CDC20B: variants seen among roughly 807,000 people sequenced by gnomAD.
The protein encoded by CDC20B is cell division cycle protein 20 homolog B.
A neutral mutation model predicts 64.1 loss-of-function variants in CDC20B; 58 were observed. The observed-to-expected ratio is 0.90, with a 90% confidence interval of 0.73 to 1.13. CDC20B has a LOEUF of 1.13. Among genes scored for constraint, CDC20B ranks in the 50% most tolerant of loss-of-function variants. The pLI is 0.00. For synonymous variants in CDC20B, 243 were observed against 230.6 expected (o/e 1.05, Z -0.49); for missense variants, 597 against 633.0 (o/e 0.94, Z 0.61).
intron 1 of CDC20B, 106 bp downstream of exon 1, chr5:55,172,832 G>T (rs1412154329): frequency 8.7e-7 from 1 of 1,149,966 alleles, no homozygotes; most frequent in Non-Finnish European, 1.2e-6. Context: ...TTACGACCAG[G>T]GCTTAGAGTT....
chr5:55,133,276 G>T, intron 6 of CDC20B, 136 bp downstream of exon 6: 2 of 443,704 alleles, frequency 4.5e-6, no homozygotes, highest in Non-Finnish European at 8.1e-6. Flanking sequence ...AAGTATATTA[G>T]CCATATTTGG....
chr5:55,128,543 C>T lies in CDC20B; in HGVS notation c.772G>A (p.Gly258Arg). The T allele has an allele frequency of 6.2e-7, 1 of 1,611,036 alleles. No homozygotes were observed. The highest frequency in any genetic ancestry group is 8.5e-7 in the Non-Finnish European group (1 of 1,179,372). ...TTTTCAATCCCATTGTGGTTCTCCCCATTCCAGATGTATACAGCAGAGCCC... is the reference window on the plus strand; with the variant it reads ...TTTTCAATCCCATTGTGGTTCTCCCTATTCCAGATGTATACAGCAGAGCCC... Reference protein sequence around the residue: ...ALGSAVYIWNGENHNGIENID... With the variant: ...ALGSAVYIWNRENHNGIENID... The change falls in exon 7 of 12, where the codon GGG (glycine) becomes AGG (arginine). Residue 258 changes from glycine (G) to arginine (R), a missense_variant. Physicochemically the swap from Gly to Arg is moderately radical, Grantham distance 125. Coordinates refer to ENST00000381375, the MANE Select transcript of CDC20B (RefSeq NM_001170402.1).
intron 2 of CDC20B, chr5:55,172,220 T>C (rs1744621870): frequency 4.6e-6 from 1 of 219,482 alleles, no homozygotes; most frequent in Non-Finnish European, 9.2e-6. Context: ...CTTCTCCACA[T>C]TGTCCACAAG....
chr5:55,125,094 A>G lies in CDC20B; in HGVS notation c.990-66T>C, dbSNP rs539863480. The G allele has an allele frequency of 1.9e-5, 25 of 1,341,560 alleles. No individual in the cohort carries two copies. The East Asian group carries it at 5.6e-4, about 30-fold the overall frequency. 83.1% of individuals were successfully genotyped at this position (1,341,560 alleles called of 1,614,324 possible). ...CATAAACATTTGAAAACATGGAGGA[A>G]AGCATAGTTCAAAGTAAAACTTCTG... On this transcript the variant is annotated intron_variant, in intron 8 of 11. Coordinates refer to ENST00000381375, the MANE Select transcript of CDC20B (RefSeq NM_001170402.1).
intron 2 of CDC20B, among the ~76,000 whole-genome samples, chr5:55,153,532 C>G (rs1191008337): frequency 6.6e-6 from 1 of 152,114 alleles, no homozygotes; most frequent in Non-Finnish European, 1.5e-5. Context: ...AAGCAAGTAA[C>G]TAGTAATAAA....
At chr5:55,147,936 T>G (rs1430029947) in intron 2 of CDC20B, among the ~76,000 whole-genome samples, 1 of 152,196 alleles carries the variant, frequency 6.6e-6, no homozygotes, top group Non-Finnish European at 1.5e-5. Flanking sequence ...CTGTCCATCT[T>G]CTCTAAGAAA....
chr5:55,121,390 A>C (rs1742751995), intron 9 of CDC20B, among the ~76,000 whole-genome samples: 1 of 152,190 alleles, frequency 6.6e-6, no homozygotes, highest in Admixed American at 6.5e-5. Flanking sequence ...ATCCCATAAT[A>C]TTCCATCGTG....
intron 6 of CDC20B, among the ~76,000 whole-genome samples, chr5:55,131,173 T>C (rs963157041): frequency 1.1e-4 from 16 of 152,146 alleles, no homozygotes; most frequent in African/African-American, 3.6e-4. Context: ...AACAAACACA[T>C]GACAACTACA....
intron 5 of CDC20B, among the ~76,000 whole-genome samples, chr5:55,134,158 A>C (rs549099242): frequency 1.3e-5 from 2 of 152,314 alleles, no homozygotes; most frequent in Non-Finnish European, 1.5e-5. Flanking sequence ...TACTAAGTTC[A>C]AACCACAGGC....
At chr5:55,152,859 G>A (rs1255072462) in intron 2 of CDC20B, among the ~76,000 whole-genome samples, 1 of 152,070 alleles carries the variant, frequency 6.6e-6, no homozygotes, top group African/African-American at 2.4e-5. Flanking sequence ...TCCCCTAGAG[G>A]CAGTTAGTAC....
At chr5:55,124,047 A>G (rs1357758409) in intron 9 of CDC20B, among the ~76,000 whole-genome samples, 1 of 152,244 alleles carries the variant, frequency 6.6e-6, no homozygotes, top group Non-Finnish European at 1.5e-5. Flanking sequence ...CGTTGAGGTC[A>G]AGACACATCT....
At chr5:55,134,931 G>A (rs1049259834) in intron 5 of CDC20B, among the ~76,000 whole-genome samples, 1 of 152,102 alleles carries the variant, frequency 6.6e-6, no homozygotes, top group South Asian at 2.1e-4. Flanking sequence ...AGCATTTTTA[G>A]GGAAATGAAA....
chr5:55,116,309 G>C (rs1169087408), intron 11 of CDC20B, among the ~76,000 whole-genome samples: 1 of 152,218 alleles, frequency 6.6e-6, no homozygotes, highest in Admixed American at 6.5e-5. Flanking sequence ...AGGGTCACTT[G>C]AAGCAAGGTG....
intron 5 of CDC20B, among the ~76,000 whole-genome samples, chr5:55,134,407 T>C (rs542709175): frequency 6.6e-6 from 1 of 152,128 alleles, no homozygotes; most frequent in East Asian, 1.9e-4. Flanking sequence ...TAAAAATACT[T>C]AGGCTTGCTG....
chr5:55,117,971 T>C (rs1742663895), intron 11 of CDC20B, among the ~76,000 whole-genome samples: 1 of 151,792 alleles, frequency 6.6e-6, no homozygotes, highest in Non-Finnish European at 1.5e-5. Flanking sequence ...ACACAAAAAT[T>C]AGCCAGGCGT....
At chr5:55,160,175 C>G (rs1335887691) in intron 2 of CDC20B, 1 of 1,599,600 alleles carries the variant, frequency 6.3e-7, no homozygotes, top group Non-Finnish European at 8.6e-7. Flanking sequence ...CTGAGACTTC[C>G]CTCTAGAATC....
At chr5:55,159,868 C>T (rs1743941480) in intron 2 of CDC20B, among the ~76,000 whole-genome samples, 1 of 152,166 alleles carries the variant, frequency 6.6e-6, no homozygotes, top group Non-Finnish European at 1.5e-5. Context: ...GGGGAATGAG[C>T]CCTCCGTAGC....
chr5:55,124,421 TGAAG>T (rs1478050511), intron 9 of CDC20B, among the ~76,000 whole-genome samples: 1 of 152,106 alleles, frequency 6.6e-6, no homozygotes, highest in Non-Finnish European at 1.5e-5. Context: ...AAATGAAGTC[TGAAG>T]GAAGAATGAA....
At chr5:55,123,034 A>G (rs1742795741) in intron 9 of CDC20B, among the ~76,000 whole-genome samples, 1 of 152,228 alleles carries the variant, frequency 6.6e-6, no homozygotes, top group African/African-American at 2.4e-5. Context: ...GATACTATAA[A>G]CAGAAACCTT....
Sources: gnomAD v4.1 joint callset for allele counts (sites outside exome capture counted in the v4.1 genomes callset) on GRCh38, gnomAD v4.1.1 for gene constraint, MANE v1.5 for transcripts, NCBI Gene and HGNC (gene_info 2026-07-23, HGNC 2026-07-21) for gene names.